NCALD: variants seen among roughly 807,000 people sequenced by gnomAD.
NCALD encodes the protein neurocalcin-delta.
NCALD carries 10 observed loss-of-function variants against 18.6 expected under a neutral mutation model. That is an observed-to-expected ratio of 0.54 (90% confidence interval 0.33 to 0.91). The LOEUF is 0.91. Ranked by LOEUF, NCALD falls within the 40% of genes least tolerant of loss-of-function variation. The probability of loss-of-function intolerance (pLI) is 0.03; values close to 1 mark genes in which losing one functional copy is unlikely to be tolerated. For synonymous variants in NCALD, 88 were observed against 87.4 expected, an observed-to-expected ratio of 1.01 and a Z score of -0.04; for missense variants, 184 against 247.6, an observed-to-expected ratio of 0.74 and a Z score of 1.72.
intron 4 of NCALD, among the ~76,000 whole-genome samples, chr8:101,874,796 G>A (rs1467645818): frequency 1.3e-5 from 2 of 152,138 alleles, no homozygotes; most frequent in Non-Finnish European, 2.9e-5. Context: ...CCAAAGCACT[G>A]GGAATAGAGG....
At chr8:101,898,110 T>C (rs1413385565) in intron 3 of NCALD, among the ~76,000 whole-genome samples, 2 of 152,218 alleles carry the variant, frequency 1.3e-5, no homozygotes, top group East Asian at 3.8e-4. Context: ...TCCCCAGTCA[T>C]GTTGAACTGT....
At chr8:102,003,426 T>G (rs975791285) in intron 2 of NCALD, among the ~76,000 whole-genome samples, 1 of 152,148 alleles carries the variant, frequency 6.6e-6, no homozygotes, top group Non-Finnish European at 1.5e-5. Context: ...ACCAGATGGA[T>G]TCACAGCCGA....
At chr8:101,891,637 C>T (rs937341158) in intron 3 of NCALD, among the ~76,000 whole-genome samples, 5 of 152,270 alleles carry the variant, frequency 3.3e-5, no homozygotes, top group East Asian at 1.9e-4. Context: ...AGACAGTGGG[C>T]GCAGGCCAGT....
chr8:102,060,530 C>T (rs968067059), intron 1 of NCALD, among the ~76,000 whole-genome samples: 1 of 152,144 alleles, frequency 6.6e-6, no homozygotes, highest in Non-Finnish European at 1.5e-5. Context: ...TGGAACCAGA[C>T]CCTCATTTAG....
At chr8:102,084,244 G>A (rs532292382) in intron 1 of NCALD, among the ~76,000 whole-genome samples, 3 of 152,212 alleles carry the variant, frequency 2.0e-5, no homozygotes, top group African/African-American at 2.4e-5. Flanking sequence ...GAATGTATTC[G>A]AATCACACAG....
chr8:102,056,749 G>A (rs1823665907), intron 1 of NCALD, among the ~76,000 whole-genome samples: 1 of 152,208 alleles, frequency 6.6e-6, no homozygotes, highest in South Asian at 2.1e-4. Context: ...AGAAGGCTAA[G>A]GCCGTACACC....
intron 2 of NCALD, among the ~76,000 whole-genome samples, chr8:102,012,639 A>T (rs1821945183): frequency 6.6e-6 from 1 of 152,258 alleles, no homozygotes; most frequent in South Asian, 2.1e-4. Flanking sequence ...GAAGCAATGC[A>T]GAGGGATCTA....
chr8:101,951,190 T>C (rs1819404031), intron 2 of NCALD, among the ~76,000 whole-genome samples: 1 of 152,192 alleles, frequency 6.6e-6, no homozygotes, highest in Non-Finnish European at 1.5e-5. Flanking sequence ...TTTCAGAGGC[T>C]AGAAAAAACG....
intron 4 of NCALD, among the ~76,000 whole-genome samples, chr8:101,837,276 T>G (rs1041596204): frequency 2.0e-5 from 3 of 151,540 alleles, no homozygotes; most frequent in African/African-American, 7.3e-5. Flanking sequence ...ATTCCTGATC[T>G]GTAAACCCAC....
intron 2 of NCALD, among the ~76,000 whole-genome samples, chr8:101,964,145 T>C (rs1249196011): frequency 6.6e-6 from 1 of 152,136 alleles, no homozygotes; most frequent in Non-Finnish European, 1.5e-5. Flanking sequence ...ACTATCTTAT[T>C]CTCAAGTTTC....
intron 4 of NCALD, among the ~76,000 whole-genome samples, chr8:101,852,823 G>A (rs868034925): frequency 9.9e-5 from 15 of 152,120 alleles, no homozygotes; most frequent in African/African-American, 2.2e-4. Flanking sequence ...TGCCGTATTG[G>A]GAATTCAAGC....
At chr8:102,119,035 CAGAAT>C (rs1825870824) in intron 1 of NCALD, among the ~76,000 whole-genome samples, 1 of 152,172 alleles carries the variant, frequency 6.6e-6, no homozygotes, top group South Asian at 2.1e-4. Context: ...AACTTAAACA[CAGAAT>C]TGCCATATAA....
chr8:102,089,658 G>A (rs528182729), intron 1 of NCALD, among the ~76,000 whole-genome samples: 27 of 152,156 alleles, frequency 1.8e-4, no homozygotes, highest in African/African-American at 6.5e-4. Context: ...AAAGTGAAAG[G>A]TGTTTTTGGT....
chr8:102,107,933 C>T (rs1398408770), intron 1 of NCALD, among the ~76,000 whole-genome samples: 2 of 152,190 alleles, frequency 1.3e-5, no homozygotes, highest in African/African-American at 4.8e-5. Flanking sequence ...GTGTCCTTCC[C>T]CTCACCCCAC....
chr8:101,862,529 C>T (rs1179378388), intron 4 of NCALD, among the ~76,000 whole-genome samples: 1 of 152,186 alleles, frequency 6.6e-6, no homozygotes, highest in Non-Finnish European at 1.5e-5. Context: ...ATAGCAAACT[C>T]TTCAAATTAC....
At chr8:101,725,206 C>T (rs1271882652) in intron 1 of NCALD, among the ~76,000 whole-genome samples, 4 of 152,178 alleles carry the variant, frequency 2.6e-5, no homozygotes, top group African/African-American at 9.7e-5. Flanking sequence ...CACTGCTGCC[C>T]ATCCTGTGCC....
chr8:101,744,343 TC>T (rs746215415), intron 1 of NCALD, among the ~76,000 whole-genome samples: 1 of 152,188 alleles, frequency 6.6e-6, no homozygotes, highest in Non-Finnish European at 1.5e-5. Context: ...ATTTTTAGCT[TC>T]TTGAAACCAG....
At chr8:102,037,246 A>G (rs2132162364) in intron 1 of NCALD, among the ~76,000 whole-genome samples, 1 of 152,276 alleles carries the variant, frequency 6.6e-6, no homozygotes, top group East Asian at 1.9e-4. Context: ...TATTGTCCCT[A>G]TTTTACAGAG....
At chr8:101,929,712 G>A (rs567689180) in intron 2 of NCALD, among the ~76,000 whole-genome samples, 21 of 151,284 alleles carry the variant, frequency 1.4e-4, no homozygotes, top group African/African-American at 5.1e-4. Context: ...AGGGGGATGA[G>A]AGGGCAGATC....
Sources: gnomAD v4.1 joint callset for allele counts (sites outside exome capture counted in the v4.1 genomes callset) on GRCh38, gnomAD v4.1.1 for gene constraint, MANE v1.5 for transcripts, NCBI Gene and HGNC (gene_info 2026-07-23, HGNC 2026-07-21) for gene names.